HCRTR2: variants seen among roughly 807,000 people sequenced by gnomAD.
HCRTR2 encodes hypocretin receptor 2, also known as orexin receptor type 2.
A neutral mutation model predicts 49.0 loss-of-function variants in HCRTR2; 22 were observed. That is an observed-to-expected ratio of 0.45 (90% CI 0.32 to 0.64). The LOEUF is 0.64. Ranked by LOEUF, HCRTR2 falls within the 30% of genes least tolerant of loss-of-function variation. The pLI is 0.04. For synonymous variants in HCRTR2, 236 were observed against 205.3 expected, an observed-to-expected ratio of 1.15 and a Z score of -1.28; for missense variants, 491 against 559.4, an observed-to-expected ratio of 0.88 and a Z score of 1.23.
At chr6:55,204,787 C>T (rs1041744839) in intron 1 of HCRTR2, among the ~76,000 whole-genome samples, 9 of 152,004 alleles carry the variant, frequency 5.9e-5, no homozygotes, top group African/African-American at 2.2e-4. Context: ...CCCTCCCCTC[C>T]CCTCCCCTTC....
chr6:55,165,139 T>C (rs945402281), intron 1 of HCRTR2, among the ~76,000 whole-genome samples: 4 of 150,748 alleles, frequency 2.7e-5, no homozygotes, highest in Non-Finnish European at 1.5e-5. Context: ...AAGAAGAAAA[T>C]TAAAAACAAT....
At chr6:55,136,071 T>C (rs569953068) in intron 1 of HCRTR2, among the ~76,000 whole-genome samples, 1 of 152,342 alleles carries the variant, frequency 6.6e-6, no homozygotes, top group East Asian at 1.9e-4. Flanking sequence ...CTGGTCTATT[T>C]GCTTTGCTAG....
chr6:55,257,665 T>C (rs1323888485), intron 3 of HCRTR2, among the ~76,000 whole-genome samples: 1 of 151,906 alleles, frequency 6.6e-6, no homozygotes, highest in Non-Finnish European at 1.5e-5. Context: ...TAAATATAAA[T>C]ACATAAAGCT....
At chr6:55,125,602 T>G (rs1764262802) in intron 1 of HCRTR2, among the ~76,000 whole-genome samples, 1 of 152,106 alleles carries the variant, frequency 6.6e-6, no homozygotes, top group South Asian at 2.1e-4. Flanking sequence ...TGGGTTTGCT[T>G]TTCTCGAGGA....
chr6:55,204,042 T>G (rs1026726402), intron 1 of HCRTR2, among the ~76,000 whole-genome samples: 6 of 152,184 alleles, frequency 3.9e-5, no homozygotes, highest in African/African-American at 1.4e-4. Flanking sequence ...CTGTTCAATA[T>G]TTAACACACA....
intron 1 of HCRTR2, among the ~76,000 whole-genome samples, chr6:55,244,553 C>T (rs1026761124): frequency 6.6e-6 from 1 of 152,004 alleles, no homozygotes; most frequent in Non-Finnish European, 1.5e-5. Flanking sequence ...GCTTATACTT[C>T]AGAGAAGCAC....
intron 1 of HCRTR2, among the ~76,000 whole-genome samples, chr6:55,188,924 G>A (rs985669205): frequency 3.3e-5 from 5 of 150,766 alleles, no homozygotes; most frequent in African/African-American, 1.2e-4. Context: ...TCCAAAGAAT[G>A]AAAAATTCCA....
intron 1 of HCRTR2, among the ~76,000 whole-genome samples, chr6:55,234,038 T>C (rs1022564438): frequency 6.6e-6 from 1 of 152,136 alleles, no homozygotes; most frequent in Non-Finnish European, 1.5e-5. Context: ...CATCCTATTA[T>C]CTAAAAGGTC....
intron 1 of HCRTR2, among the ~76,000 whole-genome samples, chr6:55,181,203 T>C (rs1765128441): frequency 6.6e-6 from 1 of 152,128 alleles, no homozygotes; most frequent in Non-Finnish European, 1.5e-5. Flanking sequence ...AGACATGAAA[T>C]GACCTTTAGA....
intron 1 of HCRTR2, among the ~76,000 whole-genome samples, chr6:55,234,032 C>T (rs971213519): frequency 2.6e-5 from 4 of 152,124 alleles, no homozygotes; most frequent in Non-Finnish European, 5.9e-5. Context: ...GTGATCCATC[C>T]TATTATCTAA....
chr6:55,127,078 G>T (rs193292844), intron 1 of HCRTR2, among the ~76,000 whole-genome samples: 2 of 152,198 alleles, frequency 1.3e-5, no homozygotes, highest in African/African-American at 2.4e-5. Context: ...GGGAGTGATT[G>T]GTTCTGTCTC....
intron 1 of HCRTR2, among the ~76,000 whole-genome samples, chr6:55,245,727 C>T (rs528245862): frequency 6.6e-6 from 1 of 151,528 alleles, no homozygotes; most frequent in South Asian, 2.1e-4. Context: ...ATGAAAAGCC[C>T]ATAAGTTTCA....
At chr6:55,110,261 ACTTT>A (rs1764030995) in intron 1 of HCRTR2, among the ~76,000 whole-genome samples, 1 of 152,088 alleles carries the variant, frequency 6.6e-6, no homozygotes, top group Non-Finnish European at 1.5e-5. Flanking sequence ...CCAAAATAGG[ACTTT>A]CTTAGAGCAT....
intron 1 of HCRTR2, among the ~76,000 whole-genome samples, chr6:55,218,885 A>G (rs1290928090): frequency 1.6e-4 from 25 of 152,192 alleles, no homozygotes; most frequent in Admixed American, 1.6e-3. Context: ...GGGCAATGGT[A>G]CAATCTCAGC....
chr6:55,191,367 A>G (rs1765312158), intron 1 of HCRTR2, among the ~76,000 whole-genome samples: 1 of 152,158 alleles, frequency 6.6e-6, no homozygotes, highest in Non-Finnish European at 1.5e-5. Flanking sequence ...ATGATTTTCT[A>G]TATAAAGTCA....
chr6:55,228,528 T>C (rs1766054670), intron 1 of HCRTR2, among the ~76,000 whole-genome samples: 1 of 152,142 alleles, frequency 6.6e-6, no homozygotes, highest in South Asian at 2.1e-4. Flanking sequence ...TTCTTTCTTA[T>C]TGGAACCATA....
At chr6:55,246,008 G>T (rs1766436564) in intron 1 of HCRTR2, among the ~76,000 whole-genome samples, 1 of 151,948 alleles carries the variant, frequency 6.6e-6, no homozygotes, top group Non-Finnish European at 1.5e-5. Flanking sequence ...TGATGGCCAT[G>T]TGAAGATAGA....
intron 1 of HCRTR2, among the ~76,000 whole-genome samples, chr6:55,151,142 G>T (rs1764659613): frequency 6.6e-6 from 1 of 151,958 alleles, no homozygotes; most frequent in African/African-American, 2.4e-5. Context: ...GCTGACTTAT[G>T]AGGGCAATGG....
intron 1 of HCRTR2, among the ~76,000 whole-genome samples, chr6:55,157,988 G>C (rs1764752915): frequency 6.6e-6 from 1 of 152,144 alleles, no homozygotes; most frequent in Admixed American, 6.5e-5. Flanking sequence ...ACATCCACAA[G>C]CTTTAAGACC....
Sources: gnomAD v4.1 joint callset for allele counts (sites outside exome capture counted in the v4.1 genomes callset) on GRCh38, gnomAD v4.1.1 for gene constraint, MANE v1.5 for transcripts, NCBI Gene and HGNC (gene_info 2026-07-23, HGNC 2026-07-21) for gene names.